The following CEP295 variants were observed in gnomAD, a reference collection of about 807,000 sequenced individuals.
The protein encoded by CEP295 is centrosomal protein 295.
In CEP295, 190 loss-of-function variants were observed where a neutral mutation model predicts 291.6. The observed-to-expected ratio is 0.65, with a 90% CI of 0.58 to 0.73. CEP295 has a LOEUF of 0.73. CEP295 is among the 30% of genes least tolerant of loss of function. The probability of loss-of-function intolerance (pLI) is 0.00; values close to 1 mark genes in which losing one functional copy is unlikely to be tolerated. For synonymous variants in CEP295, 993 were observed against 1,038.8 expected (o/e 0.96, Z 0.85); for missense variants, 2,863 against 2,949.4 (o/e 0.97, Z 0.68).
At chr11:93,702,344 T>C (rs1445818599) in intron 15 of CEP295, 116 bp from the exon 16 acceptor site, 7 of 599,528 alleles carry the variant, frequency 1.2e-5, no homozygotes, top group East Asian at 9.6e-5. Flanking sequence ...TTGTGATTGA[T>C]GGAACTATTT....
In CEP295 at chr11:93,699,138, C is replaced by G; in HGVS notation, c.4226C>G (p.Pro1409Arg). 1.3e-6 allele frequency: 2 copies of G among 1,550,914 alleles called. No homozygotes were observed. The highest frequency in any genetic ancestry group is 1.7e-6 in the Non-Finnish European group (2 of 1,146,866). The change falls in exon 15 of 30, where the codon CCT becomes CGT. Residue 1409 changes from proline to arginine, a missense_variant. Pro to Arg is a moderately radical substitution (Grantham distance 103, BLOSUM62 -2). Around this residue, in one of 3 missense-constraint regions of CEP295, gnomAD observed 2,295 missense variants for 2,335.7 expected, o/e 0.98. Transcript: ENST00000325212. ...CCACAGCATTCATTCGCCTCATTAC[C>G]TCTTAATGAATCTGAAAGAAACCAA... ...LVPQHSFASL[P>R]LNESERNQEP... is the part of the protein sequence containing the mutation.
At chr11:93,701,586 TTTTG>T (rs1405631417) in intron 15 of CEP295, among the ~76,000 whole-genome samples, 7 of 151,988 alleles carry the variant, frequency 4.6e-5, no homozygotes, top group Non-Finnish European at 4.4e-5. Context: ...CTAAGTTTTT[TTTTG>T]TTTGTTTTTT....
In CEP295 at chr11:93,697,225, G is replaced by A. The variant is rs1359457460; in HGVS notation, c.2313G>A (p.Glu771=). Residue 771 remains glutamate (E), a synonymous_variant, in exon 15 of 30, where the codon GAG becomes GAA. Transcript: ENST00000325212. ...TAGAATCCCAACAATTGTTCTCAGA[G>A]AATAGTGAAAATATATCTTACCATT... The part of the protein sequence containing the change: ...QSLESQQLFS[E]NSENISYHLT... 3.9e-6 allele frequency: 6 copies of A among 1,551,712 alleles called. No individual in the cohort carries two copies. Among genetic ancestry groups the A allele is most frequent in the East Asian group, 2.4e-5 (1 of 40,912 alleles).
intron 14 of CEP295, 108 bp downstream of exon 14, chr11:93,696,525 T>G: frequency 7.8e-6 from 8 of 1,028,534 alleles, no homozygotes; most frequent in Non-Finnish European, 1.1e-5. Flanking sequence ...AATTATGGCA[T>G]TTAGAACTGC....
In CEP295 at chr11:93,727,407, G is replaced by T. The variant is rs927636593; in HGVS notation, c.6931G>T (p.Asp2311Tyr). 6.4e-7 allele frequency: 1 copy of T among 1,551,508 alleles called. No homozygotes were observed. The highest frequency in any genetic ancestry group is 8.7e-7 in the Non-Finnish European group (1 of 1,146,760). ...TAAAAATGAAACCTGTAGGGTTTTA[G>T]ACATAAATCCACAGGTAGAGGAAAC... ...DNKNETCRVLDINPQVEETDS... is the reference protein window; with the variant it reads ...DNKNETCRVLYINPQVEETDS... The change falls in exon 24 of 30, where the codon GAC becomes TAC. Residue 2311 changes from aspartate (D) to tyrosine (Y), a missense_variant. Around this residue, in one of 3 missense-constraint regions of CEP295, gnomAD observed 2,295 missense variants for 2,335.7 expected, o/e 0.98. Transcript: ENST00000325212.
intron 14 of CEP295, 113 bp downstream of exon 14, chr11:93,696,530 A>C: frequency 9.8e-7 from 1 of 1,024,368 alleles, no homozygotes. Context: ...TGGCATTTAG[A>C]ACTGCCATTC....
chr11:93,693,245 C>A (rs2135061848), intron 12 of CEP295, among the ~76,000 whole-genome samples: 1 of 152,162 alleles, frequency 6.6e-6, no homozygotes, highest in East Asian at 1.9e-4. Context: ...CCACTGCACT[C>A]CAGCCTGGGC....
In CEP295 at chr11:93,721,327, C is replaced by T; in HGVS notation, c.5765C>T (p.Ser1922Phe). The part of the protein sequence containing the change: ...DYDEAVKLKE[S>F]VVENHAVLSY... Reference sequence around the variant, plus strand: ...CATTTTTCAGTTAAGCTGAAGGAATCTGTTGTTGAAAATCATGCAGTGTTA... The same window carrying T: ...CATTTTTCAGTTAAGCTGAAGGAATTTGTTGTTGAAAATCATGCAGTGTTA... The change falls in exon 19 of 30, where the codon TCT (serine) becomes TTT (phenylalanine). Residue 1922 changes from serine (S) to phenylalanine (F), a missense_variant. Transcript: ENST00000325212. 1 of 1,551,810 alleles carries T rather than the reference C, an allele frequency of 6.4e-7. No homozygotes were observed. Among genetic ancestry groups the T allele is most frequent in the Non-Finnish European group, 8.7e-7 (1 of 1,145,812 alleles).
chr11:93,663,433 A>G (rs1950076489), intron 1 of CEP295, among the ~76,000 whole-genome samples: 1 of 152,230 alleles, frequency 6.6e-6, no homozygotes, highest in South Asian at 2.1e-4. Context: ...TCTGCTTTTT[A>G]GATGACACAC....
chr11:93,702,726 G>C, intron 16 of CEP295, 50 bp from the exon 17 acceptor site: 11 of 1,541,124 alleles, frequency 7.1e-6, no homozygotes, highest in Non-Finnish European at 9.6e-6. Flanking sequence ...AAAGTTAGAA[G>C]TATGTTAATA....
At position 93,691,741 on chromosome 11, in the gene CEP295, A is replaced by G; in HGVS notation, c.1395A>G (p.Pro465=). The stretch of plus-strand genomic sequence containing the variant: ...GACCACTTGCTAGTGAAGATAAACC[A>G]CTTTCGTGTGGTACAAACTCTGGAA... ...ESGPLASEDK[P]LSCGTNSGKE... is the part of the protein sequence containing the mutation. Residue 465 remains proline, a synonymous_variant, in exon 11 of 30, where the codon CCA becomes CCG. Coordinates refer to ENST00000325212, the MANE Select transcript of CEP295 (RefSeq NM_033395.2). 6.5e-7 allele frequency: 1 copy of G among 1,546,710 alleles called. No homozygotes were observed. Among genetic ancestry groups the G allele is most frequent in the Non-Finnish European group, 8.7e-7 (1 of 1,145,270 alleles).
At chr11:93,711,766 C>A (rs1188731825) in intron 18 of CEP295, among the ~76,000 whole-genome samples, 1 of 152,066 alleles carries the variant, frequency 6.6e-6, no homozygotes, top group African/African-American at 2.4e-5. Flanking sequence ...CCACCTCAGC[C>A]TCCCAAAGTG....
chr11:93,728,582 T>C (rs935599115), intron 24 of CEP295, 99 bp from the exon 25 acceptor site: 27 of 1,048,374 alleles, frequency 2.6e-5, no homozygotes, highest in Non-Finnish European at 3.5e-5. Context: ...TTTTCACATT[T>C]ATATACACTT....
intron 18 of CEP295, among the ~76,000 whole-genome samples, chr11:93,713,854 C>A (rs192388278): frequency 6.6e-6 from 1 of 152,026 alleles, no homozygotes; most frequent in African/African-American, 2.4e-5. Context: ...CTTTTTAATT[C>A]TCTTATCTTT....
At chr11:93,669,547 T>A in intron 4 of CEP295, 130 bp from the exon 5 acceptor site, 1 of 581,876 alleles carries the variant, frequency 1.7e-6, no homozygotes, top group Non-Finnish European at 3.0e-6. Context: ...TCTTTACACA[T>A]GTAAAGCTTA....
intron 9 of CEP295, among the ~76,000 whole-genome samples, chr11:93,686,379 G>A (rs1247585564): frequency 6.6e-6 from 1 of 151,968 alleles, no homozygotes; most frequent in African/African-American, 2.4e-5. Flanking sequence ...TTCATTGGGA[G>A]TATCAATATC....
chr11:93,665,801 T>C (rs1320430856), intron 1 of CEP295, among the ~76,000 whole-genome samples: 2 of 152,232 alleles, frequency 1.3e-5, no homozygotes, highest in African/African-American at 4.8e-5. Flanking sequence ...TATTGAAGAA[T>C]TGTTTACTGT....
At chr11:93,665,328 A>T (rs1427246205) in intron 1 of CEP295, among the ~76,000 whole-genome samples, 1 of 152,194 alleles carries the variant, frequency 6.6e-6, no homozygotes, top group East Asian at 1.9e-4. Flanking sequence ...TATTTATTCC[A>T]TTTCTTTTTG....
chr11:93,724,110 A>G (rs1953961166), intron 21 of CEP295, 144 bp from the exon 22 acceptor site: 1 of 699,884 alleles, frequency 1.4e-6, no homozygotes, highest in South Asian at 2.1e-5. Flanking sequence ...TGGGGGAAAA[A>G]CTGAAGTTTT....
Sources: gnomAD v4.1 joint callset for allele counts (sites outside exome capture counted in the v4.1 genomes callset) on GRCh38, gnomAD v4.1.1 for gene constraint, gnomAD v4.1.1 regional missense constraint, MANE v1.5 for transcripts, NCBI Gene and HGNC (gene_info 2026-07-23, HGNC 2026-07-21) for gene names.